Variants in RSRC1 observed in about 807,000 individuals in gnomAD.
The protein encoded by RSRC1 is serine/Arginine-related protein 53.
In RSRC1, 39 loss-of-function variants were observed where a neutral mutation model predicts 49.1. That is an observed-to-expected ratio of 0.79 (90% CI 0.61 to 1.04). RSRC1 has a LOEUF of 1.04. Ranked by LOEUF, RSRC1 falls within the 50% of genes least tolerant of loss-of-function variation. The pLI, the probability that RSRC1 is intolerant of heterozygous loss-of-function variation, is 0.00. For missense variants in RSRC1, 388 were observed against 402.4 expected, an observed-to-expected ratio of 0.96 and a Z score of 0.31; for synonymous variants, 143 against 130.8, an observed-to-expected ratio of 1.09 and a Z score of -0.63.
chr3:158,512,638 C>A (rs1740255868), intron 7 of RSRC1, among the ~76,000 whole-genome samples: 2 of 151,022 alleles, frequency 1.3e-5, no homozygotes, highest in African/African-American at 4.8e-5. Flanking sequence ...GTAGTTTTTT[C>A]CAATTCTGTG....
chr3:158,153,158 T>C (rs1421435324), intron 3 of RSRC1, among the ~76,000 whole-genome samples: 2 of 152,184 alleles, frequency 1.3e-5, no homozygotes, highest in African/African-American at 4.8e-5. Flanking sequence ...GAGCAAATTC[T>C]CAGTCACATT....
At chr3:158,529,614 T>C (rs1712261819) in intron 7 of RSRC1, among the ~76,000 whole-genome samples, 2 of 151,976 alleles carry the variant, frequency 1.3e-5, no homozygotes, top group African/African-American at 4.8e-5. Context: ...TTACTTCTGC[T>C]ACCAGAACAG....
In RSRC1 at chr3:158,242,094, T is replaced by C. The variant is rs1333605074; in HGVS notation, c.494+38849T>C. Among the ~76,000 whole-genome samples, 4 of 140,692 alleles carry C rather than the reference T, an allele frequency of 2.8e-5. No homozygotes were observed. The South Asian group carries it at 9.9e-4, about 35-fold the overall frequency. The allele number at this position is 140,692 out of a possible 152,430, so 92.3% of individuals were successfully genotyped here. A position where few individuals can be genotyped will look rare whatever the true frequency, so the allele number is the denominator to read the frequency against. On this transcript the variant is annotated intron_variant, in intron 4 of 9. Coordinates refer to ENST00000611884, the MANE Select transcript of RSRC1 (RefSeq NM_001271838.2). ...TACATATGCGGAATGTGCAGCTTCATTACATAGTTAAGTGTGTGCCATGGT... is the reference window on the plus strand; with the variant it reads ...TACATATGCGGAATGTGCAGCTTCACTACATAGTTAAGTGTGTGCCATGGT...
At chr3:158,519,371 A>T (rs945561754) in intron 7 of RSRC1, among the ~76,000 whole-genome samples, 1 of 151,772 alleles carries the variant, frequency 6.6e-6, no homozygotes, top group Non-Finnish European at 1.5e-5. Context: ...TGTTTTCTTT[A>T]CTATCTCTTG....
intron 4 of RSRC1, among the ~76,000 whole-genome samples, chr3:158,257,965 C>T (rs936835998): frequency 1.2e-4 from 18 of 151,908 alleles, no homozygotes; most frequent in African/African-American, 4.4e-4. Flanking sequence ...GCTTTTTAAC[C>T]TTGTCCTGTC....
intron 3 of RSRC1, among the ~76,000 whole-genome samples, chr3:158,141,766 T>G (rs1476916023): frequency 6.6e-6 from 1 of 152,222 alleles, no homozygotes; most frequent in African/African-American, 2.4e-5. Context: ...TAGATTGTTT[T>G]GCAATCTCAT....
chr3:158,181,612 A>G (rs1266389193), intron 3 of RSRC1, among the ~76,000 whole-genome samples: 2 of 152,198 alleles, frequency 1.3e-5, no homozygotes, highest in Non-Finnish European at 2.9e-5. Flanking sequence ...AATACAAAGC[A>G]ATGTAAATTT....
intron 1 of RSRC1, among the ~76,000 whole-genome samples, chr3:158,119,399 T>C (rs1422587486): frequency 6.6e-6 from 1 of 152,194 alleles, no homozygotes; most frequent in Non-Finnish European, 1.5e-5. Flanking sequence ...CTCTATCCTT[T>C]CAAATTTATA....
chr3:158,385,444 A>G (rs527338748), intron 6 of RSRC1, among the ~76,000 whole-genome samples: 72 of 152,338 alleles, frequency 4.7e-4, no homozygotes, highest in South Asian at 2.1e-3. Context: ...GAGGAATCAG[A>G]GAGAACTCAT....
At chr3:158,218,400 G>A (rs759768370) in intron 4 of RSRC1, among the ~76,000 whole-genome samples, 2 of 151,656 alleles carry the variant, frequency 1.3e-5, no homozygotes, top group Admixed American at 6.6e-5. Flanking sequence ...ACATATTTAT[G>A]TATTTAATGA....
At chr3:158,273,303 G>A (rs1725623472) in intron 4 of RSRC1, among the ~76,000 whole-genome samples, 1 of 151,948 alleles carries the variant, frequency 6.6e-6, no homozygotes, top group Admixed American at 6.6e-5. Context: ...CCTGGCCCTA[G>A]TCTAAGTCAT....
chr3:158,438,219 A>G (rs950605817), intron 6 of RSRC1, among the ~76,000 whole-genome samples: 1 of 152,192 alleles, frequency 6.6e-6, no homozygotes, highest in Non-Finnish European at 1.5e-5. Context: ...GAAAGAATCA[A>G]TGTCATGAAA....
In RSRC1 at chr3:158,219,166, A is replaced by G. The variant is rs967587759; in HGVS notation, c.494+15921A>G. On this transcript the variant is annotated intron_variant, in intron 4 of 9. Transcript: ENST00000611884. ...AAGGATTAAAAGGAGAGGGATTATTATATGTTTAGGAAACCATTTTTATTC... is the reference window on the plus strand; with the variant it reads ...AAGGATTAAAAGGAGAGGGATTATTGTATGTTTAGGAAACCATTTTTATTC... Among the ~76,000 whole-genome samples the G allele has an allele frequency of 2.6e-5, 4 of 151,664 alleles. 1 individual carries two copies. The highest frequency in any genetic ancestry group is 9.7e-5 in the African/African-American group (4 of 41,384).
intron 7 of RSRC1, among the ~76,000 whole-genome samples, chr3:158,534,542 A>C (rs996914317): frequency 1.3e-5 from 2 of 151,634 alleles, no homozygotes; most frequent in African/African-American, 2.4e-5. Flanking sequence ...AAATGAATTT[A>C]AACAGCAAGG....
At chr3:158,177,103 C>T (rs1417377333) in intron 3 of RSRC1, among the ~76,000 whole-genome samples, 2 of 152,182 alleles carry the variant, frequency 1.3e-5, no homozygotes, top group African/African-American at 4.8e-5. Context: ...TGCCATCTCA[C>T]ACCAGTTAGA....
At chr3:158,318,026 CGTGT>C (rs143213290) in intron 5 of RSRC1, among the ~76,000 whole-genome samples, 9 of 149,296 alleles carry the variant, frequency 6.0e-5, no homozygotes, top group East Asian at 2.0e-4. Flanking sequence ...TTTGTGTGTG[CGTGT>C]GTGTGTGTGT....
At chr3:158,187,231 G>A (rs1719983722) in intron 3 of RSRC1, among the ~76,000 whole-genome samples, 1 of 151,972 alleles carries the variant, frequency 6.6e-6, no homozygotes, top group African/African-American at 2.4e-5. Context: ...GTTTGAAACT[G>A]GAGAATTGAG....
At chr3:158,473,214 G>T (rs963009327) in intron 7 of RSRC1, among the ~76,000 whole-genome samples, 1 of 152,050 alleles carries the variant, frequency 6.6e-6, no homozygotes, top group Admixed American at 6.5e-5. Flanking sequence ...ACATGCACAC[G>T]TATGTTTATC....
chr3:158,141,420 C>T (rs1034462129), intron 3 of RSRC1, among the ~76,000 whole-genome samples: 7 of 152,156 alleles, frequency 4.6e-5, no homozygotes, highest in African/African-American at 1.4e-4. Flanking sequence ...ACAGGATTCA[C>T]AGAAGTCCTA....
Sources: gnomAD v4.1 joint callset for allele counts (sites outside exome capture counted in the v4.1 genomes callset) on GRCh38, gnomAD v4.1.1 for gene constraint, MANE v1.5 for transcripts, NCBI Gene and HGNC (gene_info 2026-07-23, HGNC 2026-07-21) for gene names.